The following MRTFB variants were observed in gnomAD, a reference collection of about 807,000 sequenced individuals.
MRTFB encodes myocardin-related transcription factor B.
A neutral mutation model predicts 104.2 loss-of-function variants in MRTFB; 29 were observed. The observed-to-expected ratio is 0.28, with a 90% CI of 0.21 to 0.38. The LOEUF is 0.38. Ranked by LOEUF, MRTFB falls within the 10% of genes least tolerant of loss-of-function variation. The pLI is 1.00. For missense variants in MRTFB, 1,270 were observed against 1,341.6 expected (o/e 0.95, Z 0.83); for synonymous variants, 535 against 519.5 (o/e 1.03, Z -0.41).
In MRTFB at chr16:14,261,916, G is replaced by C. The variant is rs1244051218; in HGVS notation, c.*472G>C. The C allele has an allele frequency of 6.5e-6, 1 of 153,496 alleles. No individual in the cohort carries two copies. Among genetic ancestry groups the C allele is most frequent in the Non-Finnish European group, 1.4e-5 (1 of 68,988 alleles). The allele number at this position is 153,496 out of a possible 1,614,324, so 9.5% of individuals were successfully genotyped here. On this transcript the variant is annotated 3_prime_UTR_variant, in exon 17 of 17. Transcript: ENST00000571589. ...TTGGTACTTCCTAGAGACGGCCGGA[G>C]CCAGGCCCAAGACACAGCAGAGGTC...
chr16:14,132,439 G>A (rs1178483324), intron 2 of MRTFB, among the ~76,000 whole-genome samples: 1 of 152,092 alleles, frequency 6.6e-6, no homozygotes, highest in Non-Finnish European at 1.5e-5. Flanking sequence ...TATTTTGAAG[G>A]ACTTTGATAA....
intron 3 of MRTFB, chr16:14,152,034 G>A (rs1433220562): frequency 6.6e-6 from 1 of 152,124 alleles, no homozygotes; most frequent in East Asian, 1.9e-4. Flanking sequence ...AGTAGATATG[G>A]TTGCTGAGAC....
At chr16:14,104,828 A>T (rs150242611) in intron 2 of MRTFB, among the ~76,000 whole-genome samples, 8 of 152,252 alleles carry the variant, frequency 5.3e-5, no homozygotes, top group African/African-American at 1.7e-4. Flanking sequence ...AGCCCTCCCA[A>T]TTCGGATGTT....
intron 1 of MRTFB, among the ~76,000 whole-genome samples, chr16:14,075,647 A>G (rs1015678119): frequency 6.6e-6 from 1 of 152,248 alleles, no homozygotes; most frequent in Non-Finnish European, 1.5e-5. Context: ...TTTGAGAACC[A>G]TTAGAGTAGA....
Position 14,175,789 on chromosome 16 carries a change from CCAACCACCGATGAGGTGCAA to C in MRTFB, c.155-34450_155-34431del, listed in dbSNP as rs1309263703. 1.3e-5 allele frequency among the ~76,000 whole-genome samples: 2 copies of C among 151,962 alleles called. 1 individual carries two copies. The highest frequency in any genetic ancestry group is 1.3e-4 in the Admixed American group (2 of 15,260). On this transcript the variant is annotated intron_variant, in intron 3 of 16. Coordinates refer to ENST00000571589, the MANE Select transcript of MRTFB (RefSeq NM_001308142.2). The stretch of plus-strand genomic sequence containing the variant: ...CGGATTACTCAGTAATAGAAAGGAA[CCAACCACCGATGAGGTGCAA>C]CAATGTGCATGAATCTCAGAGTCAC...
intron 3 of MRTFB, among the ~76,000 whole-genome samples, chr16:14,202,119 C>CA (rs57738397): frequency 0.071 from 7,504 of 105,078 alleles, 234 homozygotes; most frequent in Middle Eastern, 0.12. Context: ...GTTTACAAGG[C>CA]AAAAAAAAAA....
At chr16:14,093,987 A>G (rs1419283233) in intron 2 of MRTFB, among the ~76,000 whole-genome samples, 1 of 152,254 alleles carries the variant, frequency 6.6e-6, no homozygotes, top group African/African-American at 2.4e-5. Context: ...AGAAGTAGTC[A>G]GCTTTGTTCT....
intron 3 of MRTFB, chr16:14,193,751 G>A (rs1443360044): frequency 6.6e-6 from 1 of 152,174 alleles, no homozygotes; most frequent in African/African-American, 2.4e-5. Flanking sequence ...TGGGGCTGCT[G>A]TGGTTATCCT....
At chr16:14,104,681 G>T (rs2142089512) in intron 2 of MRTFB, among the ~76,000 whole-genome samples, 1 of 152,312 alleles carries the variant, frequency 6.6e-6, no homozygotes, top group East Asian at 1.9e-4. Flanking sequence ...GCAGTAAGTT[G>T]TGAGAAAGGT....
At chr16:14,152,644 T>C (rs1321462867) in intron 3 of MRTFB, 1 of 152,114 alleles carries the variant, frequency 6.6e-6, no homozygotes, top group African/African-American at 2.4e-5. Flanking sequence ...AAATGGGTAG[T>C]TGGGATTTAT....
chr16:14,034,005 T>G, the MRTFB span, among the ~76,000 whole-genome samples: 1 of 152,056 alleles, frequency 6.6e-6, no homozygotes, highest in African/African-American at 2.4e-5. Flanking sequence ...TGGCTATGAG[T>G]GCAGGTCTGT....
chr16:14,214,819 G>C (rs1017959378), intron 6 of MRTFB: 1 of 152,136 alleles, frequency 6.6e-6, no homozygotes, highest in Non-Finnish European at 1.5e-5. Flanking sequence ...CCCCAAGTAG[G>C]GGCTCTTCTA....
intron 2 of MRTFB, among the ~76,000 whole-genome samples, chr16:14,100,714 CT>C (rs1444977763): frequency 3.3e-5 from 5 of 152,306 alleles, no homozygotes; most frequent in African/African-American, 1.2e-4. Context: ...CTAATGTTTT[CT>C]TTGAGAGATT....
At chr16:14,072,521 C>CA (rs2033772666) in intron 1 of MRTFB, among the ~76,000 whole-genome samples, 2 of 151,972 alleles carry the variant, frequency 1.3e-5, no homozygotes, top group Non-Finnish European at 2.9e-5. Flanking sequence ...CCCACCTGTA[C>CA]AAAAAAAGAA....
At position 14,234,302 on chromosome 16, in the gene MRTFB, C is replaced by A; in HGVS notation, c.831+19C>A. ...GGTGAAGGTGGGTACTTTGGATACA[C>A]CCTGGGTTTGGTGGCTTTATTTGTG... On this transcript the variant is annotated intron_variant, in intron 9 of 16. Coordinates refer to ENST00000571589, the MANE Select transcript of MRTFB (RefSeq NM_001308142.2). The A allele has an allele frequency of 6.2e-7, 1 of 1,610,680 alleles. No individual in the cohort carries two copies. The highest frequency in any genetic ancestry group is 8.5e-7 in the Non-Finnish European group (1 of 1,178,012).
chr16:14,239,506 G>A (rs923049814), intron 9 of MRTFB, among the ~76,000 whole-genome samples: 1 of 152,078 alleles, frequency 6.6e-6, no homozygotes, highest in African/African-American at 2.4e-5. Context: ...CAATACTTTC[G>A]TATATTTTCT....
At chr16:14,059,537 A>G in the MRTFB span, among the ~76,000 whole-genome samples, 1 of 152,148 alleles carries the variant, frequency 6.6e-6, no homozygotes, top group Non-Finnish European at 1.5e-5. Flanking sequence ...ACACAGATGC[A>G]ATCTAATGAC....
intron 3 of MRTFB, among the ~76,000 whole-genome samples, chr16:14,155,961 C>T (rs1190975152): frequency 2.0e-5 from 3 of 152,282 alleles, no homozygotes; most frequent in East Asian, 1.9e-4. Flanking sequence ...GCTGCCTTAG[C>T]CTGCTTAAGC....
At chr16:14,157,229 C>T (rs2038860817) in intron 3 of MRTFB, among the ~76,000 whole-genome samples, 1 of 152,078 alleles carries the variant, frequency 6.6e-6, no homozygotes, top group South Asian at 2.1e-4. Flanking sequence ...AGCTAATTGT[C>T]CAGTCAAATC....
Sources: allele counts gnomAD v4.1 joint callset (sites outside exome capture counted in the v4.1 genomes callset), GRCh38; gene constraint gnomAD v4.1.1; transcripts MANE v1.5; gene names NCBI Gene and HGNC (gene_info 2026-07-23, HGNC 2026-07-21).